The following MCPH1 variants were observed in gnomAD, a reference collection of about 807,000 sequenced individuals.
The protein encoded by MCPH1 is microcephalin 1, also known as microcephalin.
A neutral mutation model predicts 84.5 loss-of-function variants in MCPH1; 104 were observed. That is an observed-to-expected ratio of 1.23 (90% CI 1.05 to 1.45). The LOEUF (loss-of-function observed/expected upper bound fraction) is 1.45. Ranked by LOEUF, MCPH1 falls within the 40% of genes most tolerant of loss-of-function variation. MCPH1 has a pLI of 0.00. For missense variants in MCPH1, 1,498 were observed against 1,005.7 expected (o/e 1.49, Z -6.62); for synonymous variants, 514 against 366.8 (o/e 1.40, Z -4.58).
At chr8:6,425,555 C>A (rs1336807532) in intron 3 of MCPH1, among the ~76,000 whole-genome samples, 1 of 152,200 alleles carries the variant, frequency 6.6e-6, no homozygotes, top group Non-Finnish European at 1.5e-5. Context: ...GAGAGCATCT[C>A]TGTGCACCTT....
intron 12 of MCPH1, among the ~76,000 whole-genome samples, chr8:6,519,532 T>TA: frequency 6.6e-6 from 1 of 152,334 alleles, no homozygotes; most frequent in Admixed American, 6.5e-5. Context: ...TTTTGGAAGA[T>TA]ACTTTCTTTA....
chr8:6,426,454 A>G (rs1055210804), intron 3 of MCPH1, among the ~76,000 whole-genome samples: 2 of 152,142 alleles, frequency 1.3e-5, no homozygotes, highest in Admixed American at 6.5e-5. Context: ...AGCGTGTACT[A>G]TTTTGTGCCT....
chr8:6,413,197 T>A (rs945913454), intron 2 of MCPH1, among the ~76,000 whole-genome samples: 1 of 152,190 alleles, frequency 6.6e-6, no homozygotes, highest in African/African-American at 2.4e-5. Flanking sequence ...CAAATATTAT[T>A]TTTCCTTGAA....
chr8:6,447,667 A>T (rs2442506), intron 8 of MCPH1, among the ~76,000 whole-genome samples: 1 of 151,924 alleles, frequency 6.6e-6, no homozygotes, highest in Non-Finnish European at 1.5e-5. Flanking sequence ...TCTCTGCCTC[A>T]GCCTCCCGAG....
chr8:6,545,263 C>G (rs1822366174), intron 12 of MCPH1, among the ~76,000 whole-genome samples: 1 of 152,178 alleles, frequency 6.6e-6, no homozygotes, highest in Non-Finnish European at 1.5e-5. Flanking sequence ...GACCTCGGTG[C>G]TGGTTACATG....
At chr8:6,570,642 A>C (rs1479150646) in intron 12 of MCPH1, among the ~76,000 whole-genome samples, 2 of 152,202 alleles carry the variant, frequency 1.3e-5, no homozygotes, top group African/African-American at 4.8e-5. Context: ...GGGAAGGATC[A>C]CAGTTAATAG....
chr8:6,465,664 C>A (rs2979653), intron 9 of MCPH1, among the ~76,000 whole-genome samples: 41,847 of 151,680 alleles, frequency 0.28, 7,405 homozygotes, highest in East Asian at 0.49. Context: ...TGAACCAAAA[C>A]AAGGAAGGGC....
chr8:6,457,321 G>C (rs974392501), intron 9 of MCPH1, among the ~76,000 whole-genome samples: 6 of 151,712 alleles, frequency 4.0e-5, no homozygotes, highest in Non-Finnish European at 7.3e-5. Context: ...GGCCAGTCAT[G>C]GTGGCTCATG....
At position 6,480,776 on chromosome 8, in the gene MCPH1, T is replaced by C; in HGVS notation, c.2036T>C (p.Val679Ala). ...AAAGGCTTTTCAATTGCACCAGACGTCTGTGAGACCACGACTCACGTGCTT... is the reference window on the plus strand; with the variant it reads ...AAAGGCTTTTCAATTGCACCAGACGCCTGTGAGACCACGACTCACGTGCTT... Reference protein sequence around the residue: ...KLKGFSIAPDVCETTTHVLSG... With the variant: ...KLKGFSIAPDACETTTHVLSG... The change falls in exon 11 of 14, where the codon GTC (valine) becomes GCC (alanine). Residue 679 changes from valine (V) to alanine (A), a missense_variant. Coordinates refer to ENST00000344683, the MANE Select transcript of MCPH1 (RefSeq NM_024596.5). 6.2e-7 allele frequency: 1 copy of C among 1,614,210 alleles called. No homozygotes were observed. Among genetic ancestry groups the C allele is most frequent in the Non-Finnish European group, 8.5e-7 (1 of 1,180,034 alleles).
At chr8:6,540,321 A>G (rs10099687) in intron 12 of MCPH1, among the ~76,000 whole-genome samples, 3 of 152,318 alleles carry the variant, frequency 2.0e-5, no homozygotes, top group Admixed American at 6.5e-5. Context: ...TTTATTTTCT[A>G]CTGATAAAGT....
At chr8:6,505,756 AT>A (rs1813508009) in intron 12 of MCPH1, among the ~76,000 whole-genome samples, 1 of 133,508 alleles carries the variant, frequency 7.5e-6, no homozygotes, top group South Asian at 2.3e-4. Flanking sequence ...ATATATACGT[AT>A]ATATAGAATA....
intron 12 of MCPH1, among the ~76,000 whole-genome samples, chr8:6,574,719 G>A (rs897062945): frequency 2.6e-5 from 4 of 152,112 alleles, no homozygotes; most frequent in Admixed American, 6.5e-5. Context: ...AAGTGAAAAC[G>A]AGTCATCCCA....
Position 6,621,479 on chromosome 8 carries a change from C to T in MCPH1, c.2240C>T (p.Ser747Phe), listed in dbSNP as rs770873270. ...APLCRSECHL[S>F]AGPYRGTLFA... ...CTGTGCCGAAGCGAGTGCCACTTGT[C>T]TGCAGGGCCGTACCGCGGAACCCTC... is the stretch of plus-strand genomic sequence containing the variant. Residue 747 changes from serine to phenylalanine, a missense_variant, in exon 13 of 14, where the codon TCT (serine) becomes TTT (phenylalanine). Transcript: ENST00000344683. The T allele has an allele frequency of 2.5e-6, 4 of 1,614,106 alleles. No homozygotes were observed. Among genetic ancestry groups the T allele is most frequent in the East Asian group, 4.5e-5 (2 of 44,882 alleles).
intron 11 of MCPH1, among the ~76,000 whole-genome samples, chr8:6,498,403 C>A (rs1327554034): frequency 3.9e-5 from 6 of 152,208 alleles, no homozygotes; most frequent in Non-Finnish European, 5.9e-5. Context: ...TGTTTTAATA[C>A]AACTGAATTA....
At chr8:6,506,977 A>G in intron 12 of MCPH1, among the ~76,000 whole-genome samples, 1 of 151,626 alleles carries the variant, frequency 6.6e-6, no homozygotes, top group East Asian at 1.9e-4. Context: ...GGCTCATTGC[A>G]AACTCTGTCT....
chr8:6,560,558 C>T (rs1029274347), intron 12 of MCPH1, among the ~76,000 whole-genome samples: 2 of 152,158 alleles, frequency 1.3e-5, no homozygotes, highest in Non-Finnish European at 2.9e-5. Flanking sequence ...GTGCACGTTG[C>T]TGAGATAGGC....
At chr8:6,466,198 G>A (rs1563248087) in intron 9 of MCPH1, among the ~76,000 whole-genome samples, 1 of 145,948 alleles carries the variant, frequency 6.9e-6, no homozygotes, top group Admixed American at 7.0e-5. Context: ...GTGCAGTTGC[G>A]CGATCTTTGC....
At chr8:6,442,553 C>T (rs1005465836) in intron 7 of MCPH1, among the ~76,000 whole-genome samples, 4 of 152,090 alleles carry the variant, frequency 2.6e-5, no homozygotes, top group Non-Finnish European at 5.9e-5. Flanking sequence ...ATGTAAAGAT[C>T]GTCAATTGAG....
At chr8:6,461,025 C>T (rs1483963455) in intron 9 of MCPH1, among the ~76,000 whole-genome samples, 2 of 152,116 alleles carry the variant, frequency 1.3e-5, no homozygotes, top group African/African-American at 4.8e-5. Context: ...GAATGCTTCT[C>T]TGAGAAGACA....
Sources: allele counts gnomAD v4.1 joint callset (sites outside exome capture counted in the v4.1 genomes callset), GRCh38; gene constraint gnomAD v4.1.1; transcripts MANE v1.5; gene names NCBI Gene and HGNC (gene_info 2026-07-23, HGNC 2026-07-21).